The following HS1BP3 variants were observed in gnomAD, a reference collection of about 807,000 sequenced individuals.
The protein encoded by HS1BP3 is HCLS1 binding protein 3.
HS1BP3 carries 32 observed loss-of-function variants against 33.5 expected under a neutral mutation model. The ratio of observed to expected loss-of-function variants is 0.95; its 90% confidence interval spans 0.72 to 1.28. The LOEUF (loss-of-function observed/expected upper bound fraction) is 1.28. Ranked by LOEUF, HS1BP3 falls within the 50% of genes most tolerant of loss-of-function variation. The probability of loss-of-function intolerance (pLI) is 0.00; values close to 1 mark genes in which losing one functional copy is unlikely to be tolerated. For missense variants in HS1BP3, 486 were observed against 502.3 expected, an observed-to-expected ratio of 0.97 and a Z score of 0.31; for synonymous variants, 187 against 209.2, an observed-to-expected ratio of 0.89 and a Z score of 0.92.
chr2:20,637,600 TC>T (rs1182287782), intron 4 of HS1BP3: 2 of 145,638 alleles, frequency 1.4e-5, no homozygotes, highest in East Asian at 4.6e-4. Flanking sequence ...CAGCCCACCC[TC>T]CCATAACCCT....
At chr2:20,560,907 ATG>A (rs1692976548) in intron 5 of HS1BP3, among the ~76,000 whole-genome samples, 2 of 152,066 alleles carry the variant, frequency 1.3e-5, no homozygotes, top group Non-Finnish European at 2.9e-5. Context: ...TGTGATGGTG[ATG>A]AGAAAGAAGA....
intron 3 of HS1BP3, among the ~76,000 whole-genome samples, chr2:20,595,546 C>A (rs185833607): frequency 6.6e-6 from 1 of 152,324 alleles, no homozygotes; most frequent in East Asian, 1.9e-4. Flanking sequence ...GATCCTGTAG[C>A]AACCAGTGAT....
Position 20,618,953 on chromosome 2 carries a change from C to G in HS1BP3, c.*34G>C, listed in dbSNP as rs766534301. On this transcript the variant is annotated 3_prime_UTR_variant, in exon 7 of 7. Transcript: ENST00000304031. Reference sequence around the variant, plus strand: ...CCCTTCACACCGATGTCCCCACAGACAGGCCTGCTGGGCCAGGGGCCAGCA... The same window carrying G: ...CCCTTCACACCGATGTCCCCACAGAGAGGCCTGCTGGGCCAGGGGCCAGCA... The G allele has an allele frequency of 6.3e-7, 1 of 1,596,210 alleles. No homozygotes were observed. The highest frequency in any genetic ancestry group is 1.7e-5 in the Admixed American group (1 of 59,034).
chr2:20,585,754 C>T (rs907982950), intron 5 of HS1BP3, among the ~76,000 whole-genome samples: 4 of 152,228 alleles, frequency 2.6e-5, no homozygotes, highest in Non-Finnish European at 4.4e-5. Context: ...TTGCCTTGTT[C>T]GTTTCCCAAG....
intron 5 of HS1BP3, among the ~76,000 whole-genome samples, chr2:20,568,675 GGCCCAGGGCTGGGCAGCT>G (rs1693194272): frequency 6.6e-6 from 1 of 152,120 alleles, no homozygotes; most frequent in Non-Finnish European, 1.5e-5. Context: ...AGGAGCTCAG[GGCCCAGGGCTGGGCAGCT>G]GCCCAGGCCA....
intron 5 of HS1BP3, among the ~76,000 whole-genome samples, chr2:20,575,265 T>C (rs1424321380): frequency 6.6e-6 from 1 of 152,066 alleles, no homozygotes; most frequent in Non-Finnish European, 1.5e-5. Context: ...AGGAGCCTGG[T>C]GGGACATTTA....
chr2:20,583,700 T>C (rs771653256), intron 5 of HS1BP3, among the ~76,000 whole-genome samples: 1 of 152,032 alleles, frequency 6.6e-6, no homozygotes, highest in Non-Finnish European at 1.5e-5. Context: ...TCCCTGTGAG[T>C]CCCCCAGTAG....
In HS1BP3 at chr2:20,606,551, C is replaced by T. The variant is rs73916908; in HGVS notation, c.179-8286G>A. On this transcript the variant is annotated intron_variant, in intron 2 of 3. Coordinates refer to the HS1BP3 transcript ENST00000415264. ...CTTGTCCCGAACTATGTCTTTGGAG[C>T]ACTTCTTCTTTTTGGCCTTGTCCCC... 327 of 486,060 alleles carry T rather than the reference C, an allele frequency of 6.7e-4. 3 individuals are homozygous for T. The highest frequency in any genetic ancestry group is 6.0e-3 in the African/African-American group (304 of 50,822). The allele number at this position is 486,060 out of a possible 1,614,324, so 30.1% of individuals were successfully genotyped here. A position where few individuals can be genotyped will look rare whatever the true frequency, so the allele number is the denominator to read the frequency against.
intron 4 of HS1BP3, 39 bp downstream of exon 4, chr2:20,638,397 A>C (rs1257710053): frequency 1.3e-6 from 2 of 1,581,134 alleles, no homozygotes; most frequent in East Asian, 2.2e-5. Flanking sequence ...GAAAGCCTGG[A>C]ATACACCAAA....
intron 4 of HS1BP3, among the ~76,000 whole-genome samples, chr2:20,634,439 T>A (rs1430929961): frequency 2.0e-5 from 3 of 152,328 alleles, no homozygotes; most frequent in South Asian, 2.1e-4. Flanking sequence ...ACTGGTGGCA[T>A]CAGGGGAGCC....
At chr2:20,570,416 C>T (rs151282037) in intron 5 of HS1BP3, among the ~76,000 whole-genome samples, 35 of 152,288 alleles carry the variant, frequency 2.3e-4, no homozygotes, top group African/African-American at 7.7e-4. Flanking sequence ...CTGCTTGCTG[C>T]GGCTGAGCCC....
At chr2:20,626,988 A>C (rs4456661) in intron 4 of HS1BP3, among the ~76,000 whole-genome samples, 84,029 of 152,064 alleles carry the variant, frequency 0.55, 24,107 homozygotes, top group East Asian at 0.81. Flanking sequence ...AGCTGACCCC[A>C]GCCAAGACCC....
At chr2:20,574,177 T>A (rs1693344276) in intron 5 of HS1BP3, among the ~76,000 whole-genome samples, 1 of 152,206 alleles carries the variant, frequency 6.6e-6, no homozygotes, top group South Asian at 2.1e-4. Context: ...ATCTGCCAGA[T>A]GGAAGCGCTG....
At chr2:20,590,238 A>T (rs1184207284), downstream of HS1BP3, among the ~76,000 whole-genome samples, 1 of 152,094 alleles carries the variant, frequency 6.6e-6, no homozygotes, top group Non-Finnish European at 1.5e-5. Context: ...ACGGCTCCAG[A>T]CTTGAGCCGA....
downstream of HS1BP3, among the ~76,000 whole-genome samples, chr2:20,615,266 A>G (rs1694400069): frequency 6.6e-6 from 1 of 152,308 alleles, no homozygotes; most frequent in South Asian, 2.1e-4. Context: ...GCCAAGCTGG[A>G]CTGGAACCCT....
Position 20,631,516 on chromosome 2 carries a change from CAAAAAAAAAAAAA to C in HS1BP3, c.624-6637_624-6625del, listed in dbSNP as rs529653146. Among the ~76,000 whole-genome samples the C allele has an allele frequency of 9.8e-4, 62 of 63,168 alleles. 1 individual carries two copies. The highest frequency in any genetic ancestry group is 4.1e-3 in the South Asian group (7 of 1,728). 41.4% of individuals were successfully genotyped at this position (63,168 alleles called of 152,430 possible). ...TAGGTAAAAGAGTAAGAACCTGTCT[CAAAAAAAAAAAAA>C]AAAAAAAAAAAAAAAAAAAAAAAAG... On this transcript the variant is annotated intron_variant, in intron 4 of 6. Coordinates refer to ENST00000304031, the MANE Select transcript of HS1BP3 (RefSeq NM_022460.4).
downstream of HS1BP3, among the ~76,000 whole-genome samples, chr2:20,588,283 T>C (rs1313150472): frequency 6.6e-6 from 1 of 152,228 alleles, no homozygotes; most frequent in Non-Finnish European, 1.5e-5. Flanking sequence ...TGAAATAATA[T>C]ACATGCTTTT....
Position 20,618,985 on chromosome 2 carries a change from G to A in HS1BP3, c.*2C>T, listed in dbSNP as rs902212780. On this transcript the variant is annotated 3_prime_UTR_variant, in exon 7 of 7. Coordinates refer to ENST00000304031, the MANE Select transcript of HS1BP3 (RefSeq NM_022460.4). ...GCTGGGCCAGGGGCCAGCATGGAAG[G>A]GTCAGAAGAGGCTGGGGGCGGCCTG... 1.9e-6 allele frequency: 3 copies of A among 1,612,988 alleles called. No homozygotes were observed. The highest frequency in any genetic ancestry group is 2.2e-5 in the East Asian group (1 of 44,864).
chr2:20,571,687 T>A (rs1256956277), intron 5 of HS1BP3, among the ~76,000 whole-genome samples: 2 of 152,182 alleles, frequency 1.3e-5, no homozygotes, highest in East Asian at 1.9e-4. Flanking sequence ...TCCTGGCCCA[T>A]GGGTACTTCT....
Sources: gnomAD v4.1 joint callset for allele counts (sites outside exome capture counted in the v4.1 genomes callset) on GRCh38, gnomAD v4.1.1 for gene constraint, MANE v1.5 for transcripts, NCBI Gene and HGNC (gene_info 2026-07-23, HGNC 2026-07-21) for gene names.